Variants in EIF4E3 observed in about 807,000 individuals in gnomAD.
The protein encoded by EIF4E3 is eukaryotic translation initiation factor 4E type 3.
In EIF4E3, 26 loss-of-function variants were observed where a neutral mutation model predicts 31.7. That is an observed-to-expected ratio of 0.82 (90% CI 0.60 to 1.14). The LOEUF is 1.14. Among genes scored for constraint, EIF4E3 ranks in the 50% most tolerant of loss-of-function variants. The probability of loss-of-function intolerance (pLI) is 0.00; values close to 1 mark genes in which losing one functional copy is unlikely to be tolerated. For missense variants in EIF4E3, 304 were observed against 270.9 expected (o/e 1.12, Z -0.86); for synonymous variants, 128 against 107.7 (o/e 1.19, Z -1.17).
upstream of EIF4E3, among the ~76,000 whole-genome samples, chr3:71,729,838 G>GTGTGTGTA (rs1367476617): frequency 6.7e-6 from 1 of 149,960 alleles, no homozygotes; most frequent in Admixed American, 6.7e-5. Context: ...GTGTGTGTGT[G>GTGTGTGTA]TATTTAAGTG....
chr3:71,671,129 C>T (rs2048845008), downstream of EIF4E3, among the ~76,000 whole-genome samples: 1 of 152,108 alleles, frequency 6.6e-6, no homozygotes, highest in Non-Finnish European at 1.5e-5. Flanking sequence ...TCTAGTGCCA[C>T]ACTTACAATG....
intron 2 of EIF4E3, among the ~76,000 whole-genome samples, chr3:71,704,148 C>T (rs1180617050): frequency 2.0e-5 from 3 of 152,130 alleles, no homozygotes; most frequent in Non-Finnish European, 4.4e-5. Flanking sequence ...AGAGAGAGCC[C>T]AAGTGTGGAG....
chr3:71,685,685 T>C (rs563978425), intron 6 of EIF4E3, among the ~76,000 whole-genome samples: 2 of 152,314 alleles, frequency 1.3e-5, no homozygotes, highest in East Asian at 1.9e-4. Context: ...TTTAAAAAAA[T>C]TATGCTACCA....
Position 71,679,730 on chromosome 3 carries a change from T to G in EIF4E3, c.*4952A>C, listed in dbSNP as rs1441500268. The G allele has an allele frequency of 6.6e-6, 1 of 152,232 alleles. No homozygotes were observed. Among genetic ancestry groups the G allele is most frequent in the Non-Finnish European group, 1.5e-5 (1 of 68,030 alleles). The allele number at this position is 152,232 out of a possible 1,614,324, so 9.4% of individuals were successfully genotyped here. ...GTATTAAAGGATCTCTCCAGTTTAG[T>G]AACAGCTTTGCTAAGCTACGTTTTG... On this transcript the variant is annotated 3_prime_UTR_variant, in exon 7 of 7. Transcript: ENST00000425534.
chr3:71,734,167 C>T (rs12629971), intron 1 of EIF4E3, among the ~76,000 whole-genome samples: 26,304 of 152,144 alleles, frequency 0.17, 2,322 homozygotes, highest in East Asian at 0.32. Context: ...TGTGGTAAGA[C>T]AGTATCTTAT....
At chr3:71,689,317 G>A (rs748558978) in intron 6 of EIF4E3, among the ~76,000 whole-genome samples, 30 of 152,234 alleles carry the variant, frequency 2.0e-4, no homozygotes, top group Admixed American at 3.3e-4. Flanking sequence ...CTCTAACTCT[G>A]TTAAATGTGT....
intron 6 of EIF4E3, among the ~76,000 whole-genome samples, chr3:71,687,938 A>G (rs1247195135): frequency 6.6e-6 from 1 of 152,200 alleles, no homozygotes; most frequent in African/African-American, 2.4e-5. Context: ...ATTTTTCCAA[A>G]TTACTTCTGC....
At chr3:71,714,309 AGAAAG>A (rs1559602638) in intron 1 of EIF4E3, among the ~76,000 whole-genome samples, 7 of 137,332 alleles carry the variant, frequency 5.1e-5, no homozygotes, top group African/African-American at 2.7e-5. Context: ...AAGGAACGAA[AGAAAG>A]GAAAGGAAAG....
At chr3:71,693,520 C>T (rs2049091681) in intron 5 of EIF4E3, among the ~76,000 whole-genome samples, 1 of 152,140 alleles carries the variant, frequency 6.6e-6, no homozygotes, top group African/African-American at 2.4e-5. Flanking sequence ...ATAATGGAAC[C>T]TACTACCAAT....
chr3:71,707,939 A>T (rs905636821), intron 2 of EIF4E3, among the ~76,000 whole-genome samples: 1 of 146,246 alleles, frequency 6.8e-6, no homozygotes, highest in Non-Finnish European at 1.5e-5. Flanking sequence ...CCCAGGCTGG[A>T]GGGCAGTGCA....
chr3:71,717,919 G>A (rs1390282100), intron 1 of EIF4E3, among the ~76,000 whole-genome samples: 1 of 152,130 alleles, frequency 6.6e-6, no homozygotes, highest in Non-Finnish European at 1.5e-5. Flanking sequence ...AGTTAAAGTG[G>A]GAAAAGATGT....
chr3:71,754,453 C>T, upstream of EIF4E3: 1 of 1,336,996 alleles, frequency 7.5e-7, no homozygotes, highest in Non-Finnish European at 9.6e-7. This position sits in a 1 kb window ranked among gnomAD's most constrained non-coding sequence, Gnocchi z 5.8. Context: ...GAGCGCCTGG[C>T]CGGCTGGCCG....
At chr3:71,662,021 A>G in the EIF4E3 span, among the ~76,000 whole-genome samples, 1 of 152,216 alleles carries the variant, frequency 6.6e-6, no homozygotes, top group Non-Finnish European at 1.5e-5. Context: ...GAATACATGT[A>G]ATTTGTAAAA....
chr3:71,732,257 C>T (rs184295049), intron 1 of EIF4E3, among the ~76,000 whole-genome samples: 17 of 152,312 alleles, frequency 1.1e-4, no homozygotes, highest in Admixed American at 2.6e-4. Flanking sequence ...TCTAACCATC[C>T]TTCAAGGGCC....
intron 5 of EIF4E3, among the ~76,000 whole-genome samples, chr3:71,691,676 G>A (rs753232259): frequency 3.9e-5 from 6 of 152,154 alleles, no homozygotes; most frequent in Non-Finnish European, 8.8e-5. Context: ...GTACACATAC[G>A]ACGTGTGCAA....
chr3:71,684,876 AG>A (rs774180480), intron 6 of EIF4E3, 148 bp from the exon 7 acceptor site: 388 of 736,072 alleles, frequency 5.3e-4, no homozygotes, highest in Non-Finnish European at 7.3e-4. Context: ...TTTTTTTGCC[AG>A]TAACTGTTAG....
chr3:71,744,760 T>G (rs2049854578), intron 1 of EIF4E3, among the ~76,000 whole-genome samples: 1 of 152,080 alleles, frequency 6.6e-6, no homozygotes, highest in African/African-American at 2.4e-5. Context: ...AATATATATA[T>G]TTACGTCCAA....
At chr3:71,673,932 A>ATATATATATAT (rs1559581282), downstream of EIF4E3, among the ~76,000 whole-genome samples, 10 of 127,400 alleles carry the variant, frequency 7.8e-5, no homozygotes, top group African/African-American at 3.0e-4. Context: ...TATATATATA[A>ATATATATATAT]AAAACATAAT....
upstream of EIF4E3, chr3:71,754,272 G>T: frequency 2.5e-6 from 3 of 1,207,200 alleles, no homozygotes; most frequent in South Asian, 6.1e-5. This position sits in a 1 kb window ranked among gnomAD's most constrained non-coding sequence, Gnocchi z 5.8. Context: ...CCTCCCGGCC[G>T]TCATGCTGGC....
Sources: gnomAD v4.1 joint callset for allele counts (sites outside exome capture counted in the v4.1 genomes callset) on GRCh38, gnomAD v4.1.1 for gene constraint, Gnocchi (gnomAD v3.1) non-coding constraint, MANE v1.5 for transcripts, NCBI Gene and HGNC (gene_info 2026-07-23, HGNC 2026-07-21) for gene names.